HDC: variants seen among roughly 807,000 people sequenced by gnomAD.
The protein encoded by HDC is histidine decarboxylase.
In HDC, 27 loss-of-function variants were observed where a neutral mutation model predicts 64.4. The observed-to-expected ratio is 0.42, with a 90% CI of 0.31 to 0.58. HDC has a LOEUF of 0.58. Ranked by LOEUF, HDC falls within the 20% of genes least tolerant of loss-of-function variation. HDC has a pLI of 0.16. For synonymous variants in HDC, 305 were observed against 314.2 expected, an observed-to-expected ratio of 0.97 and a Z score of 0.31; for missense variants, 711 against 833.9, an observed-to-expected ratio of 0.85 and a Z score of 1.81.
intron 9 of HDC, among the ~76,000 whole-genome samples, chr15:50,250,943 A>G (rs2045546089): frequency 6.6e-6 from 1 of 152,244 alleles, no homozygotes; most frequent in African/African-American, 2.4e-5. Context: ...CAGTATAATC[A>G]AGTGATGACG....
chr15:50,247,859 T>G (rs2045503052), intron 10 of HDC, among the ~76,000 whole-genome samples: 1 of 152,222 alleles, frequency 6.6e-6, no homozygotes, highest in Non-Finnish European at 1.5e-5. Context: ...AGTGCTAAAA[T>G]ATTCAGCCAG....
At chr15:50,255,967 C>T (rs2045624365) in intron 4 of HDC, among the ~76,000 whole-genome samples, 1 of 152,212 alleles carries the variant, frequency 6.6e-6, no homozygotes, top group South Asian at 2.1e-4. Flanking sequence ...ATGGGACTAA[C>T]TCAAGTTCAC....
chr15:50,256,761 T>C (rs1430067086), intron 4 of HDC, among the ~76,000 whole-genome samples: 1 of 152,204 alleles, frequency 6.6e-6, no homozygotes, highest in Non-Finnish European at 1.5e-5. Flanking sequence ...ATTATCTCTG[T>C]CTCATAGATT....
chr15:50,265,541 G>A (rs854163), intron 1 of HDC, 52 bp downstream of exon 1: 380,552 of 1,555,824 alleles, frequency 0.24, 47,962 homozygotes, highest in Non-Finnish European at 0.26. Flanking sequence ...ACCAGCAGCC[G>A]TTCCTGCAGG....
At chr15:50,252,814 A>C in intron 7 of HDC, 40 bp from the exon 8 acceptor site, 1 of 1,580,628 alleles carries the variant, frequency 6.3e-7, no homozygotes, top group Non-Finnish European at 8.6e-7. Flanking sequence ...GGGAGGTATG[A>C]AGTGGGGAAA....
rs750405599 is a variant in HDC, at chr15:50,263,321, G to A, written c.118C>T (p.Arg40Ter). The A allele has an allele frequency of 5.0e-6, 8 of 1,614,072 alleles. No individual in the cohort carries two copies. Among genetic ancestry groups the A allele is most frequent in the East Asian group, 2.2e-5 (1 of 44,886 alleles). The change falls in exon 2 of 12, where the codon CGA becomes TGA. Residue 40 changes from arginine (R) to a stop codon, truncating the protein, a stop_gained. Coordinates refer to ENST00000267845, the MANE Select transcript of HDC (RefSeq NM_002112.4). LOFTEE classifies it high-confidence loss of function. Reference protein sequence around the residue: ...VTPDVQPGYLRAQLPESAPED... With the variant: ...VTPDVQPGYL The stretch of plus-strand genomic sequence containing the variant: ...GGAGCACTCTCAGGCAGCTGGGCTC[G>A]CAGGTAGCCAGGCTGCACGTCTGGC...
Position 50,248,371 on chromosome 15 carries a change from G to C in HDC, c.1042-28C>G, listed in dbSNP as rs1567447634. ...AGAAACAAAGGAACACAGTGCCCAA[G>C]GTTAGAGACAAGGGTGCCCCACTCC... On this transcript the variant is annotated intron_variant, in intron 9 of 11. Transcript: ENST00000267845. The surrounding 1 kb of genome is among the most constrained non-coding windows in gnomAD (Gnocchi z 4.3). 1 of 1,543,644 alleles carries C rather than the reference G, an allele frequency of 6.5e-7. No individual in the cohort carries two copies. Among genetic ancestry groups the C allele is most frequent in the Non-Finnish European group, 9.0e-7 (1 of 1,116,440 alleles).
Position 50,242,869 on chromosome 15 carries a change from G to A in HDC, c.1380C>T (p.Ile460=), listed in dbSNP as rs777288804. 6.2e-7 allele frequency: 1 copy of A among 1,614,024 alleles called. No individual in the cohort carries two copies. The highest frequency in any genetic ancestry group is 8.5e-7 in the Non-Finnish European group (1 of 1,179,876). Residue 460 remains isoleucine (I), a synonymous_variant, in exon 12 of 12, where the codon ATC becomes ATT. Transcript: ENST00000267845. ...CTCGAATGAGATTCCAGTCTCTCAGGATGTCATCCCTAGTGGTAAACTGGG... is the reference window on the plus strand; with the variant it reads ...CTCGAATGAGATTCCAGTCTCTCAGAATGTCATCCCTAGTGGTAAACTGGG... ...VTSQFTTRDD[I]LRDWNLIRDA...
chr15:50,253,080 C>T, intron 7 of HDC: 1 of 475,826 alleles, frequency 2.1e-6, no homozygotes. Flanking sequence ...TTCCCACCAG[C>T]ACAGAGAGCA....
chr15:50,263,095 T>A (rs1170549170), intron 2 of HDC, 140 bp downstream of exon 2: 7 of 843,242 alleles, frequency 8.3e-6, no homozygotes, highest in Non-Finnish European at 1.2e-5. Flanking sequence ...GCCTAGCAGA[T>A]GGGCTGGGGT....
At chr15:50,255,500 G>A (rs2045618173) in intron 4 of HDC, among the ~76,000 whole-genome samples, 1 of 152,122 alleles carries the variant, frequency 6.6e-6, no homozygotes, top group Non-Finnish European at 1.5e-5. Flanking sequence ...ATGTAAAGAA[G>A]TATGTAGCAT....
chr15:50,257,375 C>G, intron 4 of HDC, 50 bp downstream of exon 4: 2 of 1,613,422 alleles, frequency 1.2e-6, no homozygotes, highest in Non-Finnish European at 1.7e-6. Context: ...TTTGGCTTGT[C>G]TTTCGCTACT....
chr15:50,242,944 G>T lies in HDC; in HGVS notation c.1305C>A (p.Leu435=). The T allele has an allele frequency of 6.2e-7, 1 of 1,613,902 alleles. No individual in the cohort carries two copies. Among genetic ancestry groups the T allele is most frequent in the Non-Finnish European group, 8.5e-7 (1 of 1,179,812 alleles). Residue 435 remains leucine, a synonymous_variant, in exon 12 of 12, where the codon CTC becomes CTA. Transcript: ENST00000267845. ...KEIAKAGRLF[L]IPATIQDKLI... ...ACTTGTCCTGGATAGTGGCCGGGAT[G>T]AGGAAGAGACGGCCAGCTTTAGCTA...
chr15:50,242,729 T>G lies in HDC; in HGVS notation c.1520A>C (p.Gln507Pro). 6.2e-7 allele frequency: 1 copy of G among 1,614,046 alleles called. No individual in the cohort carries two copies. Among genetic ancestry groups the G allele is most frequent in the South Asian group, 1.1e-5 (1 of 91,072 alleles). The change falls in exon 12 of 12, where the codon CAG (glutamine) becomes CCG (proline). Residue 507 changes from glutamine (Q) to proline (P), a missense_variant. By Grantham distance (76) the Gln-to-Pro change is moderately conservative (BLOSUM62 -1). Transcript: ENST00000267845. ...ATCATCTCCTGCCCCACTGACAGAC[T>G]GAAGGGACGTTCCACAGGCCCAGGC... ...ARAWACGTSL[Q>P]SVSGAGDDPV...
At position 50,248,534 on chromosome 15, in the gene HDC, T is replaced by G. The variant is rs1386527837; in HGVS notation, c.1042-191A>C. 6.6e-6 allele frequency among the ~76,000 whole-genome samples: 1 copy of G among 152,136 alleles called. No homozygotes were observed. ...CCCCATCGTGTGACCAAATCACTGA[T>G]GAAGGTGGCCAATAGTCACTTGTCT... is the stretch of plus-strand genomic sequence containing the variant. On this transcript the variant is annotated intron_variant, in intron 9 of 11. Coordinates refer to ENST00000267845, the MANE Select transcript of HDC (RefSeq NM_002112.4). This position sits in a 1 kb window ranked among gnomAD's most constrained non-coding sequence, Gnocchi z 4.3.
At position 50,252,460 on chromosome 15, in the gene HDC, A is replaced by G. The variant is rs2045569271; in HGVS notation, c.1011T>C (p.His337=). The stretch of plus-strand genomic sequence containing the variant: ...AGTCGGTGGCCACGCCTGAGTTGGC[A>G]TGCCTGAGGTAGATGGGATTCACAC... ...TFSVNPIYLR[H]ANSGVATDFM... is the part of the protein sequence containing the mutation. The change falls in exon 9 of 12, where the codon CAT becomes CAC. Residue 337 remains histidine, a synonymous_variant. Transcript: ENST00000267845. 1 of 1,614,186 alleles carries G rather than the reference A, an allele frequency of 6.2e-7. No individual in the cohort carries two copies. The highest frequency in any genetic ancestry group is 2.2e-5 in the East Asian group (1 of 44,876).
Position 50,254,641 on chromosome 15 carries a change from C to A in HDC, c.465G>T (p.Leu155Phe). ...TCTTCCTTGCTGCCAGCAGGGCAAT[C>A]AAAGTGGATTCACTGACCGTGCTCT... is the stretch of plus-strand genomic sequence containing the variant. Reference protein sequence around the residue: ...VLQSTVSESTLIALLAARKNK... With the variant: ...VLQSTVSESTFIALLAARKNK... Residue 155 changes from leucine to phenylalanine, a missense_variant, in exon 5 of 12, where the codon TTG becomes TTT. By Grantham distance (22) the Leu-to-Phe change is conservative. This residue lies in a region of HDC where 225 missense variants were observed against 276.2 expected (regional missense o/e 0.81). Transcript: ENST00000267845. 5 of 1,614,112 alleles carry A rather than the reference C, an allele frequency of 3.1e-6. No individual in the cohort carries two copies. Among genetic ancestry groups the A allele is most frequent in the Non-Finnish European group, 4.2e-6 (5 of 1,179,998 alleles).
chr15:50,242,265 C>T lies in HDC; in HGVS notation c.1984G>A (p.Val662Ile), dbSNP rs1318239474. 1.2e-6 allele frequency: 2 copies of T among 1,613,628 alleles called. No individual in the cohort carries two copies. The highest frequency in any genetic ancestry group is 1.7e-5 in the Admixed American group (1 of 60,024). Residue 662 changes from valine to isoleucine, a missense_variant, in exon 12 of 12, where the codon GTT (valine) becomes ATT (isoleucine). By Grantham distance (29) the Val-to-Ile change is conservative (BLOSUM62 3). Coordinates refer to ENST00000267845, the MANE Select transcript of HDC (RefSeq NM_002112.4). Reference protein sequence around the residue: ...QLPCCPLQAMV With the variant: ...QLPCCPLQAMI The stretch of plus-strand genomic sequence containing the variant: ...TCTGGCTGAAGGCCCTGTGTCTAAA[C>T]CATGGCCTGCAGAGGGCAACAGGGC...
At position 50,242,496 on chromosome 15, in the gene HDC, G is replaced by C. The variant is rs752788866; in HGVS notation, c.1753C>G (p.Leu585Val). Residue 585 changes from leucine to valine, a missense_variant, in exon 12 of 12, where the codon CTC (leucine) becomes GTC (valine). Coordinates refer to ENST00000267845, the MANE Select transcript of HDC (RefSeq NM_002112.4). The part of the protein sequence containing the change: ...VQTKKKTVRS[L>V]SCNSVPVSAQ... ...CTCACTGGCACACTGTTGCAACTGA[G>C]GGAGCGCACCGTCTTCTTCTTAGTC... is the stretch of plus-strand genomic sequence containing the variant. The C allele has an allele frequency of 6.8e-6, 11 of 1,614,058 alleles. No homozygotes were observed. Among genetic ancestry groups the C allele is most frequent in the Admixed American group, 1.7e-5 (1 of 60,002 alleles).
Sources: allele counts gnomAD v4.1 joint callset (sites outside exome capture counted in the v4.1 genomes callset), GRCh38; gene constraint gnomAD v4.1.1; regional missense constraint gnomAD v4.1.1; non-coding constraint Gnocchi (gnomAD v3.1); transcripts MANE v1.5; gene names NCBI Gene and HGNC (gene_info 2026-07-23, HGNC 2026-07-21).